Variants in DYNC1I1 observed in about 807,000 individuals in gnomAD.
DYNC1I1 encodes dynein cytoplasmic 1 intermediate chain 1.
In DYNC1I1, 43 loss-of-function variants were observed where a neutral mutation model predicts 86.6. The observed-to-expected ratio is 0.50, with a 90% confidence interval of 0.39 to 0.64. DYNC1I1 has a LOEUF of 0.64. DYNC1I1 is among the 30% of genes least tolerant of loss of function. The pLI, the probability that DYNC1I1 is intolerant of heterozygous loss-of-function variation, is 0.00. For missense variants in DYNC1I1, 604 were observed against 788.8 expected (o/e 0.77, Z 2.81); for synonymous variants, 262 against 283.7 (o/e 0.92, Z 0.77).
At chr7:95,871,158 G>A (rs868453683) in intron 6 of DYNC1I1, among the ~76,000 whole-genome samples, 10 of 152,278 alleles carry the variant, frequency 6.6e-5, no homozygotes, top group South Asian at 6.2e-4. Context: ...CCGGGGTGCC[G>A]TTAGGCATTC....
intron 9 of DYNC1I1, among the ~76,000 whole-genome samples, chr7:95,991,499 A>G (rs1793728566): frequency 4.6e-5 from 7 of 152,238 alleles, no homozygotes; most frequent in Admixed American, 3.9e-4. Context: ...GGACCTCACC[A>G]ACAGGCTGCT....
intron 5 of DYNC1I1, among the ~76,000 whole-genome samples, chr7:95,845,481 A>G (rs1789401126): frequency 1.3e-5 from 2 of 152,196 alleles, no homozygotes; most frequent in African/African-American, 4.8e-5. Context: ...AAGCTTTGTC[A>G]AATATTCGTA....
At chr7:95,896,946 G>A (rs1345140066) in intron 6 of DYNC1I1, among the ~76,000 whole-genome samples, 2 of 152,186 alleles carry the variant, frequency 1.3e-5, no homozygotes. Context: ...TGAGAACAGT[G>A]AAAATAACTT....
At chr7:95,891,330 T>C (rs927382884) in intron 6 of DYNC1I1, among the ~76,000 whole-genome samples, 3 of 152,172 alleles carry the variant, frequency 2.0e-5, no homozygotes, top group African/African-American at 7.2e-5. Context: ...GGCTTCAAAA[T>C]AAAATAGCTA....
At chr7:95,889,339 C>T (rs1790677207) in intron 6 of DYNC1I1, among the ~76,000 whole-genome samples, 1 of 152,076 alleles carries the variant, frequency 6.6e-6, no homozygotes, top group Admixed American at 6.5e-5. Flanking sequence ...TTCAAATTAC[C>T]CCTTATAGAA....
At chr7:95,976,171 T>A (rs2115623143) in intron 6 of DYNC1I1, among the ~76,000 whole-genome samples, 1 of 152,366 alleles carries the variant, frequency 6.6e-6, no homozygotes, top group African/African-American at 2.4e-5. Context: ...TTAAAATGTT[T>A]TACATCCTTT....
intron 10 of DYNC1I1, among the ~76,000 whole-genome samples, chr7:96,008,793 G>A (rs1794202713): frequency 6.6e-6 from 1 of 152,180 alleles, no homozygotes. Flanking sequence ...AACCTAAAGA[G>A]AAGGCTGGTT....
At chr7:95,815,627 G>A (rs1371106714) in intron 4 of DYNC1I1, among the ~76,000 whole-genome samples, 2 of 152,000 alleles carry the variant, frequency 1.3e-5, no homozygotes, top group Non-Finnish European at 2.9e-5. Context: ...TTATGTAGAA[G>A]ACACATCTTT....
chr7:95,804,985 G>A, intron 2 of DYNC1I1, 148 bp downstream of exon 2: 4 of 1,373,518 alleles, frequency 2.9e-6, no homozygotes, highest in Non-Finnish European at 3.8e-6. Context: ...GCATGGTAAA[G>A]TTGTTGCCCT....
intron 6 of DYNC1I1, among the ~76,000 whole-genome samples, chr7:95,973,971 C>T (rs1793240244): frequency 6.6e-6 from 1 of 152,198 alleles, no homozygotes; most frequent in Non-Finnish European, 1.5e-5. Flanking sequence ...TTACTCCCCT[C>T]ACGTCCATGG....
chr7:95,872,061 T>C (rs1281969845), intron 6 of DYNC1I1, among the ~76,000 whole-genome samples: 1 of 152,218 alleles, frequency 6.6e-6, no homozygotes, highest in East Asian at 1.9e-4. Context: ...GTCACCCGGC[T>C]GCCCGGCCAT....
rs1044878206 is a variant in DYNC1I1, at chr7:96,043,352, C to A, written c.1509+3931C>A. Among the ~76,000 whole-genome samples, 10 of 152,142 alleles carry A rather than the reference C, an allele frequency of 6.6e-5. No homozygotes were observed. The South Asian group carries it at 1.9e-3, about 28-fold the overall frequency. On this transcript the variant is annotated intron_variant, in intron 14 of 16. Transcript: ENST00000447467. ...AGTAGGCTTACACTCAAAATTGAAT[C>A]TGAATCTTATCAATCCTCCAGATCT...
At chr7:96,078,739 A>G (rs918046042) in intron 15 of DYNC1I1, among the ~76,000 whole-genome samples, 7 of 152,120 alleles carry the variant, frequency 4.6e-5, no homozygotes, top group African/African-American at 7.2e-5. Context: ...CAGATTGTTC[A>G]TGGAATTAGG....
Position 96,037,386 on chromosome 7 carries a change from A to T in DYNC1I1, c.1364+1634A>T, listed in dbSNP as rs561686534. The stretch of plus-strand genomic sequence containing the variant: ...TGCAAGGCCTGCAGACGTCATGTAA[A>T]CCTGGTTTCTCTCTTCAAAATAACT... On this transcript the variant is annotated intron_variant, in intron 13 of 16. Transcript: ENST00000447467. Among the ~76,000 whole-genome samples, 4 of 152,316 alleles carry T rather than the reference A, an allele frequency of 2.6e-5. No homozygotes were observed. The South Asian group carries it at 8.3e-4, about 32-fold the overall frequency.
chr7:95,982,254 C>T (rs905049055), intron 7 of DYNC1I1, among the ~76,000 whole-genome samples: 4 of 152,142 alleles, frequency 2.6e-5, no homozygotes, highest in Non-Finnish European at 4.4e-5. Flanking sequence ...GCTAACAAAT[C>T]ATGTCATTTG....
intron 1 of DYNC1I1, among the ~76,000 whole-genome samples, chr7:95,779,492 A>T (rs1793930839): frequency 6.6e-6 from 1 of 152,232 alleles, no homozygotes; most frequent in Non-Finnish European, 1.5e-5. Context: ...TTACGATCAA[A>T]CAGCAATTAT....
chr7:95,824,125 C>T (rs537621146), intron 4 of DYNC1I1, among the ~76,000 whole-genome samples: 6 of 150,310 alleles, frequency 4.0e-5, no homozygotes, highest in African/African-American at 9.8e-5. Flanking sequence ...TGAGTAGCTG[C>T]GACCACAGGC....
chr7:96,031,689 ATTGTAG>A (rs1794811215), intron 11 of DYNC1I1, among the ~76,000 whole-genome samples: 2 of 152,138 alleles, frequency 1.3e-5, no homozygotes, highest in Non-Finnish European at 2.9e-5. Context: ...ATATTGTTTC[ATTGTAG>A]TTGTGGCTAG....
At chr7:96,061,743 A>AC (rs1789785059) in intron 14 of DYNC1I1, among the ~76,000 whole-genome samples, 2 of 131,900 alleles carry the variant, frequency 1.5e-5, no homozygotes, top group African/African-American at 5.8e-5. Context: ...CACGCACACA[A>AC]ACACACACAC....
Sources: gnomAD v4.1 joint callset for allele counts (sites outside exome capture counted in the v4.1 genomes callset) on GRCh38, gnomAD v4.1.1 for gene constraint, MANE v1.5 for transcripts, NCBI Gene and HGNC (gene_info 2026-07-23, HGNC 2026-07-21) for gene names.